Variants in PTPRD observed in about 807,000 individuals in gnomAD.
PTPRD encodes receptor-type tyrosine-protein phosphatase delta.
In PTPRD, 34 loss-of-function variants were observed where a neutral mutation model predicts 214.5. The observed-to-expected ratio is 0.16, with a 90% CI of 0.12 to 0.21. The LOEUF (loss-of-function observed/expected upper bound fraction) is 0.21, where lower values mean the gene tolerates loss of function less well. Ranked by LOEUF, PTPRD falls within the 10% of genes least tolerant of loss-of-function variation. The pLI, the probability that PTPRD is intolerant of heterozygous loss-of-function variation, is 1.00. For synonymous variants in PTPRD, 1,128 were observed against 845.7 expected (o/e 1.33, Z -5.79); for missense variants, 2,545 against 2,398.7 (o/e 1.06, Z -1.27).
intron 3 of PTPRD, among the ~76,000 whole-genome samples, chr9:10,056,644 G>C (rs888750702): frequency 2.0e-5 from 3 of 152,040 alleles, no homozygotes; most frequent in Non-Finnish European, 4.4e-5. Flanking sequence ...AAAAGTAAAA[G>C]CTAGCATGTT....
At chr9:10,356,592 C>T (rs932406005) in intron 2 of PTPRD, among the ~76,000 whole-genome samples, 1 of 152,084 alleles carries the variant, frequency 6.6e-6, no homozygotes, top group Non-Finnish European at 1.5e-5. Flanking sequence ...GAACATAATG[C>T]GTTTTTACCT....
At chr9:10,374,651 G>A (rs921043429) in intron 2 of PTPRD, among the ~76,000 whole-genome samples, 4 of 152,020 alleles carry the variant, frequency 2.6e-5, no homozygotes, top group Admixed American at 6.6e-5. Flanking sequence ...AAAGAAGTGG[G>A]AGGTGGTAAT....
intron 11 of PTPRD, among the ~76,000 whole-genome samples, chr9:8,899,161 G>A (rs796441492): frequency 1.9e-4 from 29 of 152,164 alleles, no homozygotes; most frequent in African/African-American, 6.5e-4. Flanking sequence ...TGCTGGGCAG[G>A]GCTTATAAAG....
intron 14 of PTPRD, among the ~76,000 whole-genome samples, chr9:8,604,561 G>A (rs979456701): frequency 2.6e-5 from 4 of 152,136 alleles, no homozygotes; most frequent in African/African-American, 9.7e-5. Flanking sequence ...TATAGCCACT[G>A]GGGAATGATA....
At chr9:9,013,759 T>A (rs776280701) in intron 11 of PTPRD, among the ~76,000 whole-genome samples, 18 of 152,176 alleles carry the variant, frequency 1.2e-4, no homozygotes, top group Non-Finnish European at 2.4e-4. Context: ...TATGGGGATG[T>A]ACCCACTGTT....
intron 9 of PTPRD, among the ~76,000 whole-genome samples, chr9:9,310,844 G>C (rs897592536): frequency 1.3e-5 from 2 of 151,994 alleles, no homozygotes; most frequent in East Asian, 3.9e-4. Flanking sequence ...CTTGAACCCA[G>C]GAGGCAGAGG....
chr9:9,763,952 T>C (rs907437811), intron 6 of PTPRD, among the ~76,000 whole-genome samples: 1 of 152,162 alleles, frequency 6.6e-6, no homozygotes, highest in Non-Finnish European at 1.5e-5. Context: ...CCTCATTTTT[T>C]AAAATATATG....
chr9:8,681,199 G>C (rs1237979637), intron 12 of PTPRD, among the ~76,000 whole-genome samples: 1 of 152,116 alleles, frequency 6.6e-6, no homozygotes, highest in Non-Finnish European at 1.5e-5. Flanking sequence ...CAGACACTCA[G>C]TGTAGATGAA....
chr9:9,697,305 A>G (rs908662359), intron 7 of PTPRD, among the ~76,000 whole-genome samples: 6 of 152,008 alleles, frequency 3.9e-5, no homozygotes, highest in African/African-American at 1.4e-4. Flanking sequence ...CTCTTTGCAT[A>G]TTAGTGTTAT....
chr9:8,749,553 T>C (rs1034659940), intron 11 of PTPRD, among the ~76,000 whole-genome samples: 12 of 152,314 alleles, frequency 7.9e-5, no homozygotes, highest in African/African-American at 2.6e-4. Flanking sequence ...ATTTTACTAG[T>C]CTGTCCACCA....
chr9:10,340,412 T>G (rs906908569), intron 3 of PTPRD, among the ~76,000 whole-genome samples: 1 of 151,894 alleles, frequency 6.6e-6, no homozygotes, highest in Non-Finnish European at 1.5e-5. Flanking sequence ...ATCACACAGC[T>G]GGCTATATCA....
chr9:8,913,336 C>T (rs906896346), intron 11 of PTPRD, among the ~76,000 whole-genome samples: 6 of 151,922 alleles, frequency 3.9e-5, no homozygotes, highest in Admixed American at 1.3e-4. Context: ...TTTTAGAATC[C>T]GCCTTTGTAA....
At chr9:9,406,765 G>A (rs1206653529) in intron 8 of PTPRD, among the ~76,000 whole-genome samples, 2 of 151,572 alleles carry the variant, frequency 1.3e-5, no homozygotes, top group Non-Finnish European at 3.0e-5. Flanking sequence ...ATATTAATGA[G>A]CAATTTTATA....
At chr9:9,606,458 G>A (rs951746153) in intron 7 of PTPRD, among the ~76,000 whole-genome samples, 3 of 151,602 alleles carry the variant, frequency 2.0e-5, no homozygotes, top group Non-Finnish European at 4.4e-5. Context: ...CTTTATCCCC[G>A]TCCATCTCTA....
At chr9:8,830,321 T>C (rs932909417) in intron 11 of PTPRD, among the ~76,000 whole-genome samples, 6 of 152,130 alleles carry the variant, frequency 3.9e-5, no homozygotes, top group Non-Finnish European at 8.8e-5. Flanking sequence ...TTTGCAAAGA[T>C]TATTTTGAAC....
intron 5 of PTPRD, among the ~76,000 whole-genome samples, chr9:9,813,401 C>A (rs1233032632): frequency 6.6e-6 from 1 of 151,412 alleles, no homozygotes; most frequent in African/African-American, 2.4e-5. Flanking sequence ...AAAAATAGAA[C>A]AAAAGACAGA....
chr9:8,854,540 A>G (rs2097879086), intron 11 of PTPRD, among the ~76,000 whole-genome samples: 1 of 152,222 alleles, frequency 6.6e-6, no homozygotes, highest in Non-Finnish European at 1.5e-5. Flanking sequence ...TTTTACAAAC[A>G]GTCACCCTTG....
intron 2 of PTPRD, among the ~76,000 whole-genome samples, chr9:10,380,424 G>C (rs1406072996): frequency 6.6e-6 from 1 of 151,964 alleles, no homozygotes; most frequent in African/African-American, 2.4e-5. Context: ...TGTATCTTTT[G>C]AAATTTTAGG....
At chr9:9,193,573 G>A (rs748875987) in intron 9 of PTPRD, among the ~76,000 whole-genome samples, 3 of 152,082 alleles carry the variant, frequency 2.0e-5, no homozygotes, top group Admixed American at 6.6e-5. Context: ...TAGGCTACAC[G>A]CCTACACATC....
Sources: gnomAD v4.1 joint callset for allele counts (sites outside exome capture counted in the v4.1 genomes callset) on GRCh38, gnomAD v4.1.1 for gene constraint, MANE v1.5 for transcripts, NCBI Gene and HGNC (gene_info 2026-07-23, HGNC 2026-07-21) for gene names.